Variants in ABCC4 observed in about 807,000 individuals in gnomAD.
ABCC4 encodes ATP-binding cassette sub-family C member 4.
ABCC4 carries 102 observed loss-of-function variants against 168.5 expected under a neutral mutation model. The observed-to-expected ratio is 0.61, with a 90% CI of 0.52 to 0.71. The LOEUF is 0.71. ABCC4 is among the 30% of genes least tolerant of loss of function. The probability of loss-of-function intolerance (pLI) is 0.00; values close to 1 mark genes in which losing one functional copy is unlikely to be tolerated. For missense variants in ABCC4, 1,402 were observed against 1,605.8 expected (o/e 0.87, Z 2.17); for synonymous variants, 617 against 590.7 (o/e 1.04, Z -0.65).
intron 1 of ABCC4, among the ~76,000 whole-genome samples, chr13:95,282,038 G>C (rs2041137430): frequency 6.6e-6 from 1 of 151,920 alleles, no homozygotes; most frequent in African/African-American, 2.4e-5. Flanking sequence ...ACCTGGGAGG[G>C]GTGGAGGTTG....
At chr13:95,022,784 T>G (rs998752576) in intron 30 of ABCC4, among the ~76,000 whole-genome samples, 1 of 152,228 alleles carries the variant, frequency 6.6e-6, no homozygotes, top group Non-Finnish European at 1.5e-5. Context: ...GGGATTCACG[T>G]ACAAAAAAGA....
intron 26 of ABCC4, among the ~76,000 whole-genome samples, chr13:95,053,460 G>T (rs2032924669): frequency 1.3e-5 from 2 of 152,024 alleles, no homozygotes. Context: ...GTTTAAAACT[G>T]TTTTCCTCAT....
intron 28 of ABCC4, 84 bp from the exon 29 acceptor site, chr13:95,043,871 A>G (rs1298737266): frequency 1.2e-6 from 1 of 858,858 alleles, no homozygotes; most frequent in Non-Finnish European, 1.8e-6. Flanking sequence ...CACAATAGAG[A>G]TTTAAAAAAA....
rs556064562 is a variant in ABCC4, at chr13:95,176,238, G to T, written c.1727+1469C>A. ...AAGCCGAGGGCAGGGGGGGGGGGGG[G>T]GGGGGGGTGGATCCCTTGAGCCCAG... is the stretch of plus-strand genomic sequence containing the variant. On this transcript the variant is annotated intron_variant, in intron 13 of 30. Coordinates refer to ENST00000645237, the MANE Select transcript of ABCC4 (RefSeq NM_005845.5). Among the ~76,000 whole-genome samples, 187 of 77,476 alleles carry T rather than the reference G, an allele frequency of 2.4e-3. 21 individuals carry two copies. The highest frequency in any genetic ancestry group is 7.2e-3 in the African/African-American group (179 of 24,966). 50.8% of individuals were successfully genotyped at this position (77,476 alleles called of 152,430 possible). A position where few individuals can be genotyped will look rare whatever the true frequency, so the allele number is the denominator to read the frequency against.
chr13:95,127,466 C>T (rs376658602), intron 19 of ABCC4, among the ~76,000 whole-genome samples: 93 of 152,052 alleles, frequency 6.1e-4, no homozygotes, highest in African/African-American at 1.8e-3. Flanking sequence ...TTTTTAGAGA[C>T]GAGGTTTCTC....
intron 4 of ABCC4, among the ~76,000 whole-genome samples, chr13:95,227,147 T>C (rs2039488483): frequency 1.3e-5 from 2 of 152,164 alleles, no homozygotes; most frequent in South Asian, 2.1e-4. Context: ...AATTATCAGA[T>C]GATGGGACGC....
intron 21 of ABCC4, among the ~76,000 whole-genome samples, chr13:95,082,257 A>G (rs1470087742): frequency 6.6e-6 from 1 of 151,752 alleles, no homozygotes; most frequent in Non-Finnish European, 1.5e-5. Flanking sequence ...AAGCAATTCT[A>G]CTCTCCTTAT....
At chr13:95,288,906 A>G (rs934081102) in intron 1 of ABCC4, among the ~76,000 whole-genome samples, 4 of 152,228 alleles carry the variant, frequency 2.6e-5, no homozygotes, top group Non-Finnish European at 5.9e-5. Flanking sequence ...TAGTTGAACA[A>G]ATTGTGTCGC....
chr13:95,046,302 T>C (rs1284515910), intron 27 of ABCC4, among the ~76,000 whole-genome samples: 1 of 152,210 alleles, frequency 6.6e-6, no homozygotes, highest in East Asian at 1.9e-4. Context: ...TGCCCTTGAT[T>C]AAGGGGCCAA....
chr13:95,134,138 G>A (rs2036064506), intron 19 of ABCC4, among the ~76,000 whole-genome samples: 3 of 152,086 alleles, frequency 2.0e-5, no homozygotes, highest in Admixed American at 2.0e-4. Context: ...GTCATTCAGA[G>A]GCAGTAACCA....
rs529462028 is a variant in ABCC4, at chr13:95,158,289, GA to G, written c.2455+2899del. Among the ~76,000 whole-genome samples the G allele has an allele frequency of 2.3e-3, 344 of 152,234 alleles. 1 individual carries two copies. Among genetic ancestry groups the G allele is most frequent in the African/African-American group, 7.7e-3 (320 of 41,548 alleles). ...ATGAGGATCTGGGCAGAAGCATGAT[GA>G]GGGGGATGGCACACTGGGGTGGGAG... On this transcript the variant is annotated intron_variant, in intron 19 of 30. Transcript: ENST00000645237.
intron 19 of ABCC4, among the ~76,000 whole-genome samples, chr13:95,125,816 AAGTT>A (rs2035739290): frequency 6.6e-6 from 1 of 152,158 alleles, no homozygotes; most frequent in South Asian, 2.1e-4. Context: ...AAAAAGAAAA[AAGTT>A]AGGAAGACAG....
At chr13:95,155,945 G>A (rs1442255872) in intron 19 of ABCC4, among the ~76,000 whole-genome samples, 1 of 152,220 alleles carries the variant, frequency 6.6e-6, no homozygotes, top group East Asian at 1.9e-4. Context: ...AGAATAAAAT[G>A]TCTCTGCTAA....
chr13:95,263,825 G>GA (rs61665973), intron 1 of ABCC4, among the ~76,000 whole-genome samples: 73,432 of 146,092 alleles, frequency 0.5, 21,564 homozygotes, highest in Non-Finnish European at 0.63. Flanking sequence ...TCTCAAAAAA[G>GA]AAAAAAAAAA....
At chr13:95,270,203 G>T (rs1038732679) in intron 1 of ABCC4, among the ~76,000 whole-genome samples, 4 of 152,020 alleles carry the variant, frequency 2.6e-5, no homozygotes, top group African/African-American at 9.7e-5. Context: ...ATCTGTAGTT[G>T]GAAATTAAAT....
chr13:95,179,605 A>G (rs1466294090), intron 11 of ABCC4, among the ~76,000 whole-genome samples: 2 of 152,244 alleles, frequency 1.3e-5, no homozygotes, highest in Non-Finnish European at 2.9e-5. Flanking sequence ...TACATTAGAA[A>G]TCTTTACTTG....
intron 28 of ABCC4, 106 bp from the exon 29 acceptor site, chr13:95,043,893 C>A (rs2139242444): frequency 4.3e-6 from 3 of 705,190 alleles, no homozygotes; most frequent in Non-Finnish European, 7.0e-6. Flanking sequence ...AAGATCATAT[C>A]TATTTAATGT....
chr13:95,214,799 T>C, intron 4 of ABCC4, among the ~76,000 whole-genome samples: 1 of 145,162 alleles, frequency 6.9e-6, no homozygotes, highest in Non-Finnish European at 1.5e-5. Flanking sequence ...GGCAGGAAAA[T>C]CACTTGAACC....
intron 1 of ABCC4, among the ~76,000 whole-genome samples, chr13:95,283,109 G>C (rs1334388814): frequency 1.3e-5 from 2 of 151,532 alleles, no homozygotes; most frequent in Non-Finnish European, 2.9e-5. Flanking sequence ...CCAGCTACTT[G>C]GGAGGCTGGG....
Sources: allele counts gnomAD v4.1 joint callset (sites outside exome capture counted in the v4.1 genomes callset), GRCh38; gene constraint gnomAD v4.1.1; transcripts MANE v1.5; gene names NCBI Gene and HGNC (gene_info 2026-07-23, HGNC 2026-07-21).